Variants in TECPR1 observed in about 807,000 individuals in gnomAD.
The protein encoded by TECPR1 is tectonin beta-propeller repeat-containing protein 1.
A neutral mutation model predicts 162.4 loss-of-function variants in TECPR1; 122 were observed. The ratio of observed to expected loss-of-function variants is 0.75; its 90% CI spans 0.65 to 0.87. The LOEUF is 0.87. TECPR1 is among the 40% of genes least tolerant of loss of function. The probability of loss-of-function intolerance (pLI) is 0.00; values close to 1 mark genes in which losing one functional copy is unlikely to be tolerated. For synonymous variants in TECPR1, 642 were observed against 670.6 expected, an observed-to-expected ratio of 0.96 and a Z score of 0.66; for missense variants, 1,432 against 1,618.2, an observed-to-expected ratio of 0.88 and a Z score of 1.97.
rs757002726 is a variant in TECPR1 at position 98,236,809 on chromosome 7, C to T, written c.1148G>A (p.Arg383Gln). The T allele has an allele frequency of 3.6e-5, 57 of 1,589,176 alleles. No individual in the cohort carries two copies. The highest frequency in any genetic ancestry group is 1.6e-4 in the Admixed American group (9 of 56,366). ...KAIIAARECD[R>Q]SHSGSSSSLL... ...ACTAGACGAGCTGCCAGAGTGTGAC[C>T]GGTCACACTCTCGGGCCGCGATGAT... is the stretch of plus-strand genomic sequence containing the variant. Residue 383 changes from arginine (R) to glutamine (Q), a missense_variant, in exon 10 of 26, where the codon CGG (arginine) becomes CAG (glutamine). Physicochemically the swap from Arg to Gln is conservative, Grantham distance 43 (BLOSUM62 1). Transcript: ENST00000447648.
rs1798745428 is a variant in TECPR1, at chr7:98,241,375, C to G, written c.658-131G>C. ...CAGATCTCACTCCCTGCCCCCTACC[C>G]CGGCCAAAAAACGCAAACCCTGGAT... On this transcript the variant is annotated intron_variant, in intron 6 of 25. Coordinates refer to ENST00000447648, the MANE Select transcript of TECPR1 (RefSeq NM_015395.3). The surrounding 1 kb of genome is among the most constrained non-coding windows in gnomAD (Gnocchi z 5.0). 1 of 1,174,026 alleles carries G rather than the reference C, an allele frequency of 8.5e-7. No individual in the cohort carries two copies. The highest frequency in any genetic ancestry group is 1.2e-6 in the Non-Finnish European group (1 of 836,614). The allele number at this position is 1,174,026 out of a possible 1,614,324, so 72.7% of individuals were successfully genotyped here.
At position 98,241,179 on chromosome 7, in the gene TECPR1, G is replaced by C; in HGVS notation, c.723C>G (p.Thr241=). ...AGCTGATCTGAACCACCTCCCCGGG[G>C]GTGTCCAGCAGGGACCAGGAGGACC... is the stretch of plus-strand genomic sequence containing the variant. ...PEGSSWSLLD[T]PGEVVQISCG... is the part of the protein sequence containing the mutation. The change falls in exon 7 of 26, where the codon ACC becomes ACG. Residue 241 remains threonine (T), a synonymous_variant. Transcript: ENST00000447648. This position sits in a 1 kb window ranked among gnomAD's most constrained non-coding sequence, Gnocchi z 5.0. 6.2e-7 allele frequency: 1 copy of C among 1,612,882 alleles called. No homozygotes were observed. The highest frequency in any genetic ancestry group is 8.5e-7 in the Non-Finnish European group (1 of 1,179,842).
intron 2 of TECPR1, among the ~76,000 whole-genome samples, chr7:98,246,981 T>C (rs1798927906): frequency 1.3e-5 from 2 of 150,708 alleles, no homozygotes; most frequent in African/African-American, 2.4e-5. Context: ...CTACTAAAAA[T>C]ACAAAAATTA....
In TECPR1 at chr7:98,231,002, T is replaced by C. The variant is rs1798417916; in HGVS notation, c.2241A>G (p.Pro747=). 1 of 1,612,784 alleles carries C rather than the reference T, an allele frequency of 6.2e-7. No homozygotes were observed. The highest frequency in any genetic ancestry group is 1.3e-5 in the African/African-American group (1 of 75,020). Residue 747 remains proline, a synonymous_variant, in exon 15 of 26, where the codon CCA becomes CCG. Coordinates refer to ENST00000447648, the MANE Select transcript of TECPR1 (RefSeq NM_015395.3). ...GGGGGTGCTCGTGGGCCTCCAGGTCTGGGCTGGGCTCGCTCACGAAGATGT... is the reference window on the plus strand; with the variant it reads ...GGGGGTGCTCGTGGGCCTCCAGGTCCGGGCTGGGCTCGCTCACGAAGATGT... ...KGDIFVSEPS[P]DLEAHEHPLP...
At chr7:98,234,795 C>T (rs555172674) in intron 10 of TECPR1, among the ~76,000 whole-genome samples, 3 of 149,100 alleles carry the variant, frequency 2.0e-5, no homozygotes, top group African/African-American at 7.4e-5. Context: ...ACTGCAGCCT[C>T]GACCTCCTGG....
intron 2 of TECPR1, among the ~76,000 whole-genome samples, chr7:98,250,330 T>C (rs1011286345): frequency 2.0e-5 from 3 of 151,942 alleles, no homozygotes; most frequent in Non-Finnish European, 4.4e-5. Context: ...AAGTTAGCCT[T>C]CAAAGATAGC....
rs1798325314 is a variant in TECPR1, at chr7:98,228,093, T to C, written c.2434A>G (p.Ile812Val). 1 of 1,612,146 alleles carries C rather than the reference T, an allele frequency of 6.2e-7. No homozygotes were observed. The highest frequency in any genetic ancestry group is 1.7e-5 in the Admixed American group (1 of 59,792). Residue 812 changes from isoleucine (I) to valine (V), a missense_variant, in exon 17 of 26, where the codon ATC becomes GTC. Physicochemically the swap from Ile to Val is conservative, Grantham distance 29. Transcript: ENST00000447648. The stretch of plus-strand genomic sequence containing the variant: ...CACTTCACGTCTGACTGCGTGTAGA[T>C]GTTACTGGTGCTGCTGGCCAGGCCT... The part of the protein sequence containing the change: ...FQGLASSTSN[I>V]YTQSDVKCVH...
rs1443404115 is a variant in TECPR1, at chr7:98,214,673, C to G, written c.*2717G>C. On this transcript the variant is annotated 3_prime_UTR_variant, in exon 26 of 26. Transcript: ENST00000447648. Reference sequence around the variant, plus strand: ...CCCCTGAACTTGCTGAATGGACCGACGAGCTGAGCCTGAAAGCCCAGAAGA... The same window carrying G: ...CCCCTGAACTTGCTGAATGGACCGAGGAGCTGAGCCTGAAAGCCCAGAAGA... 1 of 152,220 alleles carries G rather than the reference C, an allele frequency of 6.6e-6. No homozygotes were observed. The highest frequency in any genetic ancestry group is 1.5e-5 in the Non-Finnish European group (1 of 68,052). The allele number at this position is 152,220 out of a possible 1,614,324, so 9.4% of individuals were successfully genotyped here.
At chr7:98,226,839 A>G (rs1050103147) in intron 17 of TECPR1, 1 of 294,620 alleles carries the variant, frequency 3.4e-6, no homozygotes, top group South Asian at 3.1e-5. Context: ...AGGCTCAGGT[A>G]GGAGAATCGC....
intron 10 of TECPR1, among the ~76,000 whole-genome samples, chr7:98,234,827 C>G (rs190792965): frequency 1.0e-3 from 155 of 149,542 alleles, no homozygotes; most frequent in Admixed American, 1.4e-3. Flanking sequence ...CCTCCCACCT[C>G]TGCCTTGTAA....
Position 98,238,554 on chromosome 7 carries a change from C to T in TECPR1, c.990G>A (p.Glu330=). Residue 330 remains glutamate, a synonymous_variant, in exon 9 of 26, where the codon GAG becomes GAA. Coordinates refer to ENST00000447648, the MANE Select transcript of TECPR1 (RefSeq NM_015395.3). ...TCACCATCGTCATCTCACCAACCAT[C>T]TCAATCCAACTGGTGCCGCAGGGAT... ...SHNPCGTSWI[E]MVGEMTMVNV... The T allele has an allele frequency of 6.3e-7, 1 of 1,574,962 alleles. No individual in the cohort carries two copies. Among genetic ancestry groups the T allele is most frequent in the African/African-American group, 1.3e-5 (1 of 74,142 alleles).
At chr7:98,234,187 C>A (rs967841704) in intron 10 of TECPR1, among the ~76,000 whole-genome samples, 1 of 152,248 alleles carries the variant, frequency 6.6e-6, no homozygotes, top group South Asian at 2.1e-4. Context: ...CGGAGTCTCA[C>A]TGTCATCCAG....
intron 20 of TECPR1, 105 bp downstream of exon 20, chr7:98,223,557 T>A (rs1329193784): frequency 3.2e-6 from 4 of 1,236,766 alleles, no homozygotes; most frequent in Non-Finnish European, 4.6e-6. Context: ...GGGACTGAGG[T>A]CAGAGGCCAG....
chr7:98,235,827 C>CAAAAAAAAAAAAAAAAAAAAAAA (rs765569294), intron 10 of TECPR1, among the ~76,000 whole-genome samples: 4 of 36,672 alleles, frequency 1.1e-4, no homozygotes, highest in African/African-American at 2.1e-4. Context: ...GAGACTGTCT[C>CAAAAAAAAAAAAAAAAAAAAAAA]AAAAAAAAAA....
intron 23 of TECPR1, among the ~76,000 whole-genome samples, chr7:98,219,559 A>G (rs982704014): frequency 3.3e-5 from 5 of 152,214 alleles, no homozygotes; most frequent in African/African-American, 1.2e-4. Context: ...ACAAAAAACC[A>G]ATAATCCCAT....
rs1798053942 is a variant in TECPR1 at position 98,217,863 on chromosome 7, G to A, written c.3265-52C>T. The A allele has an allele frequency of 1.9e-6, 3 of 1,541,744 alleles. No homozygotes were observed. The Admixed American group carries it at 5.9e-5, about 30-fold the overall frequency. ...CAGCCCTACCTGCAGTGGGACGGCT[G>A]GGCATGGGATGGGGGAGACCAGAGA... On this transcript the variant is annotated intron_variant, in intron 24 of 25. Transcript: ENST00000447648.
At chr7:98,239,497 G>A (rs1359137758) in intron 8 of TECPR1, among the ~76,000 whole-genome samples, 2 of 152,230 alleles carry the variant, frequency 1.3e-5, no homozygotes, top group African/African-American at 4.8e-5. Flanking sequence ...GGAGGTTACA[G>A]TGAGCTGAGA....
rs760317507 is a variant in TECPR1 at position 98,244,616 on chromosome 7, C to T, written c.486G>A (p.Lys162=). ...KKWNSCVRRR[K]WIRYRRYKSR... is the part of the protein sequence containing the mutation. ...ACTTGTATCTCCTGTACCGGATCCA[C>T]TTCCGGCGCCGCACACAAGAATTCC... The change falls in exon 5 of 26, where the codon AAG becomes AAA. Residue 162 remains lysine, a synonymous_variant. Transcript: ENST00000447648. The T allele has an allele frequency of 6.2e-7, 1 of 1,613,142 alleles. No individual in the cohort carries two copies. The highest frequency in any genetic ancestry group is 8.5e-7 in the Non-Finnish European group (1 of 1,179,668).
chr7:98,250,455 C>T (rs191267806), intron 2 of TECPR1, among the ~76,000 whole-genome samples: 1 of 151,812 alleles, frequency 6.6e-6, no homozygotes, highest in East Asian at 1.9e-4. Flanking sequence ...CAGGGAGACC[C>T]CATCTCTGTA....
Sources: gnomAD v4.1 joint callset for allele counts (sites outside exome capture counted in the v4.1 genomes callset) on GRCh38, gnomAD v4.1.1 for gene constraint, Gnocchi (gnomAD v3.1) non-coding constraint, MANE v1.5 for transcripts, NCBI Gene and HGNC (gene_info 2026-07-23, HGNC 2026-07-21) for gene names.